TMEM63C: variants seen among roughly 807,000 people sequenced by gnomAD.
The protein encoded by TMEM63C is osmosensitive cation channel TMEM63C.
TMEM63C carries 32 observed loss-of-function variants against 99.2 expected under a neutral mutation model. The ratio of observed to expected loss-of-function variants is 0.32; its 90% CI spans 0.24 to 0.43. The LOEUF (loss-of-function observed/expected upper bound fraction) is 0.43, where lower values mean the gene tolerates loss of function less well. TMEM63C is among the 20% of genes least tolerant of loss of function. The probability of loss-of-function intolerance (pLI) is 1.00; values close to 1 mark genes in which losing one functional copy is unlikely to be tolerated. For missense variants in TMEM63C, 826 were observed against 1,053.0 expected (o/e 0.78, Z 2.98); for synonymous variants, 376 against 397.9 (o/e 0.94, Z 0.66).
chr14:77,183,081 GTTC>G (rs986023519), intron 1 of TMEM63C, among the ~76,000 whole-genome samples: 1 of 152,148 alleles, frequency 6.6e-6, no homozygotes, highest in African/African-American at 2.4e-5. Flanking sequence ...AATTCACCTT[GTTC>G]TTCTCCCTGG....
At chr14:77,194,350 G>A (rs1888166551) in intron 1 of TMEM63C, among the ~76,000 whole-genome samples, 1 of 127,140 alleles carries the variant, frequency 7.9e-6, no homozygotes, top group Non-Finnish European at 1.8e-5. Context: ...GTGTGTGTGT[G>A]TGTGTGTGTG....
chr14:77,227,346 A>G (rs1430820448), intron 6 of TMEM63C, among the ~76,000 whole-genome samples: 1 of 152,182 alleles, frequency 6.6e-6, no homozygotes, highest in South Asian at 2.1e-4. Flanking sequence ...GGCTACAGTC[A>G]GTAGGTTGTG....
At chr14:77,182,057 C>T (rs1180569276) in intron 1 of TMEM63C, among the ~76,000 whole-genome samples, 163 bp downstream of exon 1, 1 of 152,000 alleles carries the variant, frequency 6.6e-6, no homozygotes, top group Non-Finnish European at 1.5e-5. Context: ...GAGACTGCGC[C>T]ACAGTCCCTT....
chr14:77,232,494 G>C (rs1444588983), intron 7 of TMEM63C, among the ~76,000 whole-genome samples: 1 of 151,994 alleles, frequency 6.6e-6, no homozygotes, highest in Non-Finnish European at 1.5e-5. Flanking sequence ...CACCATGTTG[G>C]CCAGGCTGGT....
chr14:77,199,965 C>T (rs1427382869), intron 1 of TMEM63C, among the ~76,000 whole-genome samples: 2 of 152,176 alleles, frequency 1.3e-5, no homozygotes, highest in African/African-American at 4.8e-5. Flanking sequence ...GAAATCCCCA[C>T]CATCCTTTTT....
At chr14:77,225,922 C>T (rs379540) in intron 6 of TMEM63C, among the ~76,000 whole-genome samples, 26,908 of 151,946 alleles carry the variant, frequency 0.18, 2,639 homozygotes, top group Non-Finnish European at 0.22. Context: ...CCCACCTCAC[C>T]TTGTGGGTTT....
intron 12 of TMEM63C, 148 bp from the exon 13 acceptor site, chr14:77,240,327 G>T: frequency 1.2e-6 from 1 of 855,356 alleles, no homozygotes; most frequent in South Asian, 1.8e-5. Context: ...CTAGAGGTGG[G>T]ACTTTGGAGG....
At chr14:77,228,946 G>T (rs560222256) in intron 6 of TMEM63C, among the ~76,000 whole-genome samples, 2 of 152,212 alleles carry the variant, frequency 1.3e-5, no homozygotes, top group Non-Finnish European at 2.9e-5. Context: ...GTGGAGTGGG[G>T]AGGCCTGCAT....
chr14:77,238,871 C>T (rs552804617), intron 10 of TMEM63C, 104 bp downstream of exon 10: 2 of 912,800 alleles, frequency 2.2e-6, no homozygotes, highest in East Asian at 2.6e-5. Flanking sequence ...GGGACTGGGA[C>T]ACCCCGGGGT....
At chr14:77,205,439 T>A (rs1478849807) in intron 1 of TMEM63C, among the ~76,000 whole-genome samples, 1 of 152,142 alleles carries the variant, frequency 6.6e-6, no homozygotes, top group Admixed American at 6.5e-5. Flanking sequence ...GGAACACATC[T>A]CATCCTCTTT....
chr14:77,243,867 CAT>C (rs770061043), intron 15 of TMEM63C, among the ~76,000 whole-genome samples: 4 of 152,090 alleles, frequency 2.6e-5, no homozygotes, highest in African/African-American at 9.7e-5. Flanking sequence ...ATACAGTCAA[CAT>C]GTGTGCATGC....
At chr14:77,230,601 C>A (rs192233882) in intron 6 of TMEM63C, among the ~76,000 whole-genome samples, 1 of 152,280 alleles carries the variant, frequency 6.6e-6, no homozygotes, top group Non-Finnish European at 1.5e-5. Flanking sequence ...ATGAGCTTCT[C>A]ATAGGAGCAC....
intron 13 of TMEM63C, among the ~76,000 whole-genome samples, chr14:77,241,954 C>A (rs1247769410): frequency 6.6e-6 from 1 of 152,212 alleles, no homozygotes; most frequent in East Asian, 1.9e-4. Context: ...AGCACAGTGT[C>A]AAGCACACAG....
chr14:77,242,674 C>T (rs987414527), intron 14 of TMEM63C, among the ~76,000 whole-genome samples: 2 of 151,710 alleles, frequency 1.3e-5, no homozygotes, highest in East Asian at 3.9e-4. Context: ...AGCAAAAAGG[C>T]TTTTCCTGCA....
intron 21 of TMEM63C, among the ~76,000 whole-genome samples, chr14:77,250,682 C>T (rs1006144722): frequency 6.6e-6 from 1 of 152,030 alleles, no homozygotes; most frequent in African/African-American, 2.4e-5. Context: ...TCAGGCAATC[C>T]GAGGCAGTGT....
Position 77,196,835 on chromosome 14 carries a change from G to A in TMEM63C, c.-77+14941G>A, listed in dbSNP as rs190503832. Among the ~76,000 whole-genome samples, 370 of 152,264 alleles carry A rather than the reference G, an allele frequency of 2.4e-3. 1 individual carries two copies. The highest frequency in any genetic ancestry group is 8.2e-3 in the African/African-American group (342 of 41,532). The stretch of plus-strand genomic sequence containing the variant: ...AGGTGTAATCTTGTCAAAACAGCGC[G>A]GGAAGCCCTTTGGCTTCAGACAGCC... On this transcript the variant is annotated intron_variant, in intron 1 of 23. Transcript: ENST00000298351.
intron 23 of TMEM63C, among the ~76,000 whole-genome samples, chr14:77,255,439 C>A (rs1400119194): frequency 3.3e-5 from 5 of 152,318 alleles, no homozygotes; most frequent in South Asian, 4.1e-4. Context: ...AGCACATGTG[C>A]CTCAGGTTTT....
chr14:77,245,268 C>T (rs1889249228), intron 16 of TMEM63C, among the ~76,000 whole-genome samples: 2 of 152,212 alleles, frequency 1.3e-5, no homozygotes, highest in South Asian at 4.1e-4. Context: ...ATGCCCAGCA[C>T]AGACATCACT....
chr14:77,254,607 C>G (rs576513641), intron 23 of TMEM63C, among the ~76,000 whole-genome samples: 2 of 152,192 alleles, frequency 1.3e-5, no homozygotes, highest in African/African-American at 4.8e-5. Flanking sequence ...TAAACCCACA[C>G]AGTAGGGATT....
Sources: allele counts gnomAD v4.1 joint callset (sites outside exome capture counted in the v4.1 genomes callset), GRCh38; gene constraint gnomAD v4.1.1; transcripts MANE v1.5; gene names NCBI Gene and HGNC (gene_info 2026-07-23, HGNC 2026-07-21).